ITPR1: variants seen among roughly 807,000 people sequenced by gnomAD.
The protein encoded by ITPR1 is inositol 1,4,5-trisphosphate-gated calcium channel ITPR1.
In ITPR1, 96 loss-of-function variants were observed where a neutral mutation model predicts 318.4. The observed-to-expected ratio is 0.30, with a 90% CI of 0.26 to 0.36. The LOEUF is 0.36. ITPR1 is among the 10% of genes least tolerant of loss of function. The pLI is 1.00. For missense variants in ITPR1, 2,440 were observed against 3,460.2 expected (o/e 0.71, Z 7.40); for synonymous variants, 1,312 against 1,289.9 (o/e 1.02, Z -0.37).
intron 5 of ITPR1, 91 bp downstream of exon 5, chr3:4,627,969 C>A (rs2092893492): frequency 2.8e-6 from 2 of 723,208 alleles, no homozygotes; most frequent in Non-Finnish European, 4.5e-6. Context: ...GCTTATGCAA[C>A]CCTCCAATTC....
At chr3:4,821,544 C>T (rs1030707992) in intron 60 of ITPR1, among the ~76,000 whole-genome samples, 2 of 152,202 alleles carry the variant, frequency 1.3e-5, no homozygotes, top group East Asian at 3.9e-4. Flanking sequence ...CTTGGAAACC[C>T]AGGCTGACTT....
chr3:4,751,749 T>G (rs116127775), intron 44 of ITPR1, among the ~76,000 whole-genome samples: 1,528 of 152,308 alleles, frequency 0.01, 26 homozygotes, highest in African/African-American at 0.035. Flanking sequence ...ACTTTCCCTT[T>G]GGAAATCTTC....
At chr3:4,534,771 C>T (rs180933021) in intron 4 of ITPR1, among the ~76,000 whole-genome samples, 1 of 152,244 alleles carries the variant, frequency 6.6e-6, no homozygotes, top group Admixed American at 6.5e-5. Flanking sequence ...TATATAAGCT[C>T]GCTTGGACTT....
In ITPR1 at chr3:4,627,809, G is replaced by A; in HGVS notation, c.210G>A (p.Lys70=). 2 of 1,613,662 alleles carry A rather than the reference G, an allele frequency of 1.2e-6. No individual in the cohort carries two copies. The highest frequency in any genetic ancestry group is 1.7e-5 in the Admixed American group (1 of 59,978). The change falls in exon 5 of 62, where the codon AAG becomes AAA. Residue 70 remains lysine, a synonymous_variant. Transcript: ENST00000649015. ...LCPMNRYSAQ[K]QFWKAAKPGA... ...CCATGAACCGCTACTCTGCCCAAAA[G>A]CAGTTCTGGAAAGCCGCTAAGCCTG...
At chr3:4,643,475 A>G (rs2125155172) in intron 7 of ITPR1, among the ~76,000 whole-genome samples, 1 of 152,326 alleles carries the variant, frequency 6.6e-6, no homozygotes, top group Middle Eastern at 3.4e-3. Context: ...TACAAAGAAT[A>G]GGTGTAGACC....
chr3:4,532,810 GA>G (rs2083529911), intron 4 of ITPR1, among the ~76,000 whole-genome samples: 1 of 152,222 alleles, frequency 6.6e-6, no homozygotes, highest in African/African-American at 2.4e-5. Context: ...AGGGCTAGTG[GA>G]TCAAAGTGCC....
chr3:4,603,019 A>G (rs1413891688), intron 4 of ITPR1, among the ~76,000 whole-genome samples: 2 of 152,190 alleles, frequency 1.3e-5, no homozygotes, highest in African/African-American at 4.8e-5. Flanking sequence ...AAATGACTAC[A>G]TGTAAAAAAT....
At chr3:4,699,649 T>G (rs980270558) in intron 34 of ITPR1, among the ~76,000 whole-genome samples, 164 bp from the exon 35 acceptor site, 5 of 152,254 alleles carry the variant, frequency 3.3e-5, no homozygotes, top group African/African-American at 1.2e-4. Context: ...TCTCTTTTTT[T>G]CATGATTTAT....
intron 1 of ITPR1, among the ~76,000 whole-genome samples, chr3:4,494,127 T>C (rs1057456400): frequency 6.6e-6 from 1 of 152,228 alleles, no homozygotes; most frequent in Admixed American, 6.5e-5. Context: ...ATACTTGGCC[T>C]TCTCGCCGGG....
intron 20 of ITPR1, among the ~76,000 whole-genome samples, chr3:4,672,887 AC>A (rs1209417855): frequency 6.6e-6 from 1 of 152,194 alleles, no homozygotes; most frequent in Non-Finnish European, 1.5e-5. Flanking sequence ...AATTGCTCCA[AC>A]ACAGCTGGAT....
At chr3:4,593,434 A>G (rs2090547431) in intron 4 of ITPR1, among the ~76,000 whole-genome samples, 1 of 152,208 alleles carries the variant, frequency 6.6e-6, no homozygotes, top group African/African-American at 2.4e-5. Flanking sequence ...AGAGATCAGA[A>G]TTGGTTGCAT....
chr3:4,603,994 TTC>T (rs1217470751), intron 4 of ITPR1, among the ~76,000 whole-genome samples: 1 of 152,186 alleles, frequency 6.6e-6, no homozygotes, highest in Non-Finnish European at 1.5e-5. Context: ...AACATCTGTC[TTC>T]TTTTTAAATT....
rs1448551362 is a variant in ITPR1 at position 4,653,895 on chromosome 3, G to A, written c.996+9G>A. 1 of 1,596,782 alleles carries A rather than the reference G, an allele frequency of 6.3e-7. No individual in the cohort carries two copies. The highest frequency in any genetic ancestry group is 1.3e-5 in the African/African-American group (1 of 74,722). On this transcript the variant is annotated intron_variant, in intron 12 of 61. Transcript: ENST00000649015. ...TGGAGTTTCAGCCCTCAGTAAGTAT[G>A]GACAAGAGCCTTCTTGTCTTCATCT...
intron 18 of ITPR1, among the ~76,000 whole-genome samples, chr3:4,669,441 C>T (rs1467644492): frequency 1.3e-5 from 2 of 152,192 alleles, no homozygotes; most frequent in East Asian, 3.8e-4. Context: ...TCCTTGACCA[C>T]AGCCACTCCT....
chr3:4,777,121 C>T, intron 47 of ITPR1, 143 bp from the exon 48 acceptor site: 2 of 520,498 alleles, frequency 3.8e-6, no homozygotes, highest in Non-Finnish European at 6.9e-6. Context: ...TTACCACTTT[C>T]TCACGGAAAA....
At chr3:4,520,690 C>T (rs2082493746) in intron 3 of ITPR1, among the ~76,000 whole-genome samples, 1 of 152,246 alleles carries the variant, frequency 6.6e-6, no homozygotes, top group South Asian at 2.1e-4. Context: ...AAGTCAGCTC[C>T]TCAGCTACCC....
intron 30 of ITPR1, 128 bp downstream of exon 30, chr3:4,685,334 C>G: frequency 6.6e-6 from 6 of 912,418 alleles, no homozygotes; most frequent in Non-Finnish European, 9.3e-6. Context: ...GACTACAAAG[C>G]AATTTCAGGT....
chr3:4,568,155 A>C (rs1043425110), intron 4 of ITPR1, among the ~76,000 whole-genome samples: 1 of 152,178 alleles, frequency 6.6e-6, no homozygotes, highest in African/African-American at 2.4e-5. Flanking sequence ...CAGGGTCATT[A>C]CATAGAGTTT....
chr3:4,644,044 C>T, intron 7 of ITPR1, 92 bp from the exon 8 acceptor site: 1 of 793,886 alleles, frequency 1.3e-6, no homozygotes, highest in Non-Finnish European at 2.2e-6. Context: ...CCTTCTTCAG[C>T]ACAGACTCAT....
Sources: gnomAD v4.1 joint callset for allele counts (sites outside exome capture counted in the v4.1 genomes callset) on GRCh38, gnomAD v4.1.1 for gene constraint, MANE v1.5 for transcripts, NCBI Gene and HGNC (gene_info 2026-07-23, HGNC 2026-07-21) for gene names.